The following ATIC variants were observed in gnomAD, a reference collection of about 807,000 sequenced individuals.
The protein encoded by ATIC is bifunctional purine biosynthesis protein ATIC.
ATIC carries 64 observed loss-of-function variants against 72.5 expected under a neutral mutation model. The ratio of observed to expected loss-of-function variants is 0.88; its 90% CI spans 0.72 to 1.09. The LOEUF (loss-of-function observed/expected upper bound fraction) is 1.09, where lower values mean the gene tolerates loss of function less well. Ranked by LOEUF, ATIC falls within the 50% of genes least tolerant of loss-of-function variation. The pLI, the probability that ATIC is intolerant of heterozygous loss-of-function variation, is 0.00. For synonymous variants in ATIC, 281 were observed against 267.1 expected (o/e 1.05, Z -0.51); for missense variants, 787 against 732.4 (o/e 1.07, Z -0.86).
At chr2:215,366,261 A>C in the ATIC span, among the ~76,000 whole-genome samples, 3 of 152,162 alleles carry the variant, frequency 2.0e-5, no homozygotes, top group Non-Finnish European at 2.9e-5. Context: ...AATTCTCACT[A>C]TTAAGATTTA....
the ATIC span, chr2:215,361,801 T>C: frequency 3.4e-5 from 19 of 563,334 alleles, no homozygotes; most frequent in South Asian, 3.7e-4. Flanking sequence ...AAGAGTTACA[T>C]AAATTATAAC....
intron 2 of ATIC, among the ~76,000 whole-genome samples, chr2:215,313,432 C>T (rs1011996758): frequency 1.1e-4 from 16 of 152,066 alleles, no homozygotes; most frequent in African/African-American, 3.9e-4. Context: ...AATGATTAAC[C>T]AGGATGCCAT....
At position 215,346,756 on chromosome 2, in the gene ATIC, C is replaced by G; in HGVS notation, c.1321-3C>G. ...TGTTCACTTTAATGTCTGTGTTCCT[C>G]AGGTTATCGGCATTGGAGCAGGACA... On this transcript the variant is annotated splice_polypyrimidine_tract_variant and splice_region_variant and intron_variant, in intron 13 of 15. Coordinates refer to ENST00000236959, the MANE Select transcript of ATIC (RefSeq NM_004044.7). The G allele has an allele frequency of 6.2e-7, 1 of 1,614,050 alleles. No individual in the cohort carries two copies. Among genetic ancestry groups the G allele is most frequent in the East Asian group, 2.2e-5 (1 of 44,872 alleles).
At chr2:215,325,181 TA>T in intron 4 of ATIC, 59 bp from the exon 5 acceptor site, 1 of 1,290,228 alleles carries the variant, frequency 7.8e-7, no homozygotes, top group Non-Finnish European at 1.1e-6. Context: ...TTTTCCTAGA[TA>T]GCTGTAAACC....
chr2:215,362,944 G>C, the ATIC span: 1 of 152,238 alleles, frequency 6.6e-6, no homozygotes, highest in African/African-American at 2.4e-5. Flanking sequence ...GGTGGGTCCT[G>C]GGACTGTTCC....
chr2:215,362,103 C>T, the ATIC span: 1 of 1,558,050 alleles, frequency 6.4e-7, no homozygotes, highest in Non-Finnish European at 8.9e-7. Context: ...GGCATGAAGT[C>T]AAATGGGGTT....
downstream of ATIC, among the ~76,000 whole-genome samples, chr2:215,352,564 A>T (rs955938144): frequency 6.0e-5 from 9 of 150,416 alleles, no homozygotes; most frequent in African/African-American, 2.2e-4. Context: ...CCTGGGCAAC[A>T]GAGCAAGACT....
intron 7 of ATIC, among the ~76,000 whole-genome samples, chr2:215,330,804 A>ATACTTG (rs2052884113): frequency 1.3e-5 from 2 of 150,366 alleles, no homozygotes; most frequent in Admixed American, 1.3e-4. Context: ...TTGGCCTCTC[A>ATACTTG]AGTAGCTGGG....
chr2:215,364,785 G>T, the ATIC span: 1 of 812,332 alleles, frequency 1.2e-6, no homozygotes, highest in Non-Finnish European at 2.1e-6. Flanking sequence ...ACTTCCGAAG[G>T]GTCTCTGCCC....
intron 2 of ATIC, among the ~76,000 whole-genome samples, chr2:215,317,750 A>G (rs962817887): frequency 4.6e-5 from 7 of 152,126 alleles, no homozygotes; most frequent in Admixed American, 1.3e-4. Context: ...CAGCCTTCCA[A>G]AGTGCTGGGT....
At chr2:215,347,605 T>G (rs1352652545) in intron 14 of ATIC, 1 of 491,356 alleles carries the variant, frequency 2.0e-6, no homozygotes, top group Admixed American at 2.3e-5. Context: ...TTGACTACCC[T>G]CAGTTTTTTA....
chr2:215,313,791 A>T (rs575645775), intron 2 of ATIC, among the ~76,000 whole-genome samples: 1 of 152,024 alleles, frequency 6.6e-6, no homozygotes, highest in African/African-American at 2.4e-5. Context: ...ATAACTGTAT[A>T]TTTTCGGATG....
intron 8 of ATIC, 152 bp from the exon 9 acceptor site, chr2:215,333,198 A>T: frequency 1.4e-6 from 1 of 695,016 alleles, no homozygotes; most frequent in Non-Finnish European, 2.6e-6. Flanking sequence ...TTAGTGTATA[A>T]TTATCTGGCT....
chr2:215,332,969 G>C (rs2052912529), intron 8 of ATIC, among the ~76,000 whole-genome samples: 1 of 152,164 alleles, frequency 6.6e-6, no homozygotes, highest in Non-Finnish European at 1.5e-5. Context: ...CACATGATTT[G>C]TTCTCAGGTG....
At chr2:215,340,993 T>A (rs536149537) in intron 12 of ATIC, among the ~76,000 whole-genome samples, 1 of 152,306 alleles carries the variant, frequency 6.6e-6, no homozygotes, top group Non-Finnish European at 1.5e-5. Flanking sequence ...CTTAAGCTAT[T>A]TGCTGTAACA....
chr2:215,352,526 G>A (rs145413976), downstream of ATIC, among the ~76,000 whole-genome samples: 3,267 of 151,800 alleles, frequency 0.022, 37 homozygotes, highest in Middle Eastern at 0.027. Flanking sequence ...AGCTTGCAGT[G>A]AGCTGAGATC....
At chr2:215,350,891 AT>A (rs2053125731), downstream of ATIC, among the ~76,000 whole-genome samples, 1 of 152,302 alleles carries the variant, frequency 6.6e-6, no homozygotes, top group Middle Eastern at 3.4e-3. Context: ...TCTTTAACTT[AT>A]CCCCTTGCTA....
chr2:215,314,789 A>C (rs1217224756), intron 2 of ATIC, among the ~76,000 whole-genome samples: 1 of 152,108 alleles, frequency 6.6e-6, no homozygotes, highest in Non-Finnish European at 1.5e-5. Flanking sequence ...ACCGCACCCG[A>C]GGCCAAGATT....
At chr2:215,334,147 T>A (rs1383057320) in intron 9 of ATIC, among the ~76,000 whole-genome samples, 1 of 152,062 alleles carries the variant, frequency 6.6e-6, no homozygotes. Flanking sequence ...GCATTTGTTA[T>A]TGTTTAATAT....
Sources: gnomAD v4.1 joint callset for allele counts (sites outside exome capture counted in the v4.1 genomes callset) on GRCh38, gnomAD v4.1.1 for gene constraint, MANE v1.5 for transcripts, NCBI Gene and HGNC (gene_info 2026-07-23, HGNC 2026-07-21) for gene names.